The following SYT5 variants were observed in gnomAD, a reference collection of about 807,000 sequenced individuals.
SYT5 encodes synaptotagmin-5.
SYT5 carries 29 observed loss-of-function variants against 36.0 expected under a neutral mutation model. The observed-to-expected ratio is 0.81, with a 90% CI of 0.60 to 1.10. The LOEUF is 1.10. SYT5 is among the 50% of genes least tolerant of loss of function. The probability of loss-of-function intolerance (pLI) is 0.00; values close to 1 mark genes in which losing one functional copy is unlikely to be tolerated. For synonymous variants in SYT5, 231 were observed against 227.6 expected, an observed-to-expected ratio of 1.02 and a Z score of -0.14; for missense variants, 512 against 516.0, an observed-to-expected ratio of 0.99 and a Z score of 0.08.
In SYT5 at chr19:55,173,244, C is replaced by T. The variant is rs1236460163; in HGVS notation, c.*240G>A. On this transcript the variant is annotated 3_prime_UTR_variant, in exon 9 of 9. Transcript: ENST00000354308. This position sits in a 1 kb window ranked among gnomAD's most constrained non-coding sequence, Gnocchi z 5.4. The stretch of plus-strand genomic sequence containing the variant: ...GAGAAACCAGGCTGCCTTCCCTTCC[C>T]GGGGTCCCTGGGGCATCTGGGTGTG... 15 of 405,250 alleles carry T rather than the reference C, an allele frequency of 3.7e-5. No homozygotes were observed. The highest frequency in any genetic ancestry group is 5.6e-5 in the Non-Finnish European group (13 of 232,578). The allele number at this position is 405,250 out of a possible 1,614,324, so 25.1% of individuals were successfully genotyped here.
chr19:55,173,888 G>C lies in SYT5; in HGVS notation c.961-204C>G, dbSNP rs1296061090. 2.1e-6 allele frequency: 1 copy of C among 465,248 alleles called. No homozygotes were observed. The highest frequency in any genetic ancestry group is 3.5e-5 in the East Asian group (1 of 28,174). The allele number at this position is 465,248 out of a possible 1,614,324, so 28.8% of individuals were successfully genotyped here. ...GAGGCTCTGGCGCCTTTCTTCCTGC[G>C]CAGCCAGGTTTCTAAGGAAATGAAC... On this transcript the variant is annotated intron_variant, in intron 8 of 8. Coordinates refer to ENST00000354308, the MANE Select transcript of SYT5 (RefSeq NM_003180.3). This position sits in a 1 kb window ranked among gnomAD's most constrained non-coding sequence, Gnocchi z 5.4.
chr19:55,178,109 A>G (rs2086097160), intron 3 of SYT5, 87 bp downstream of exon 3: 2 of 1,463,450 alleles, frequency 1.4e-6, no homozygotes, highest in Non-Finnish European at 1.8e-6. Context: ...TATAGGACAG[A>G]AGGGAGCAGG....
rs759283459 is a variant in SYT5 at position 55,175,015 on chromosome 19, C to T, written c.709-16G>A. 1 of 1,610,598 alleles carries T rather than the reference C, an allele frequency of 6.2e-7. No homozygotes were observed. Among genetic ancestry groups the T allele is most frequent in the Non-Finnish European group, 8.5e-7 (1 of 1,179,392 alleles). On this transcript the variant is annotated splice_polypyrimidine_tract_variant and intron_variant, in intron 6 of 8. Coordinates refer to ENST00000354308, the MANE Select transcript of SYT5 (RefSeq NM_003180.3). This position sits in a 1 kb window ranked among gnomAD's most constrained non-coding sequence, Gnocchi z 4.5. The stretch of plus-strand genomic sequence containing the variant: ...GCTTCTCCTGCTGAAAGGAGAGGGG[C>T]CCATCACCAGAGCCCCGGCTCCACA...
Position 55,179,535 on chromosome 19 carries a change from A to G in SYT5, c.-45-449T>C. ...GCGGGGCAGGCTCGCTCCGGGGCCCACCGGTGCCTGGGAACCCCCCAATAG... is the reference window on the plus strand; with the variant it reads ...GCGGGGCAGGCTCGCTCCGGGGCCCGCCGGTGCCTGGGAACCCCCCAATAG... On this transcript the variant is annotated intron_variant, in intron 1 of 8. Transcript: ENST00000354308. The surrounding 1 kb of genome is among the most constrained non-coding windows in gnomAD (Gnocchi z 4.5). 4.2e-6 allele frequency: 1 copy of G among 235,504 alleles called. No individual in the cohort carries two copies. Among genetic ancestry groups the G allele is most frequent in the South Asian group, 1.6e-4 (1 of 6,250 alleles). 14.6% of individuals were successfully genotyped at this position (235,504 alleles called of 1,614,324 possible).
At position 55,172,887 on chromosome 19, in the gene SYT5, T is replaced by C. The variant is rs561447099; in HGVS notation, c.*597A>G. On this transcript the variant is annotated 3_prime_UTR_variant, in exon 9 of 9. Transcript: ENST00000354308. ...GGCAGGAATTATTATTATCCCAACA[T>C]TCTCCAGAGGAGGAAACCCAGGCTC... 1 of 152,410 alleles carries C rather than the reference T, an allele frequency of 6.6e-6. No individual in the cohort carries two copies. The highest frequency in any genetic ancestry group is 2.1e-4 in the South Asian group (1 of 4,828). The allele number at this position is 152,410 out of a possible 1,614,324, so 9.4% of individuals were successfully genotyped here. A position where few individuals can be genotyped will look rare whatever the true frequency, so the allele number is the denominator to read the frequency against.
In SYT5 at chr19:55,175,436, G is replaced by T. The variant is rs1001604146; in HGVS notation, c.541-97C>A. 1 of 1,333,480 alleles carries T rather than the reference G, an allele frequency of 7.5e-7. No individual in the cohort carries two copies. Among genetic ancestry groups the T allele is most frequent in the African/African-American group, 1.5e-5 (1 of 68,046 alleles). 82.6% of individuals were successfully genotyped at this position (1,333,480 alleles called of 1,614,324 possible). The stretch of plus-strand genomic sequence containing the variant: ...GGAAGGCATGGAGTGAGGCAGCGAG[G>T]GTCGAAGCGAACAGTTGGGGGAACT... On this transcript the variant is annotated intron_variant, in intron 5 of 8. Coordinates refer to ENST00000354308, the MANE Select transcript of SYT5 (RefSeq NM_003180.3). The surrounding 1 kb of genome is among the most constrained non-coding windows in gnomAD (Gnocchi z 4.5).
Position 55,175,739 on chromosome 19 carries a change from G to C in SYT5, c.510C>G (p.Asn170Lys). 1 of 1,614,016 alleles carries C rather than the reference G, an allele frequency of 6.2e-7. No individual in the cohort carries two copies. The highest frequency in any genetic ancestry group is 8.5e-7 in the Non-Finnish European group (1 of 1,180,018). The change falls in exon 5 of 9, where the codon AAC (asparagine) becomes AAG (lysine). Residue 170 changes from asparagine to lysine, a missense_variant. Coordinates refer to ENST00000354308, the MANE Select transcript of SYT5 (RefSeq NM_003180.3). This position sits in a 1 kb window ranked among gnomAD's most constrained non-coding sequence, Gnocchi z 4.5. ...AGGCGAAGGTCTCCCCAAAGTGAGG[G>C]TTCAGCGTCTGCCGATGCACCTTGG... ...YETKVHRQTLNPHFGETFAFK... is the reference protein window; with the variant it reads ...YETKVHRQTLKPHFGETFAFK...
intron 8 of SYT5, among the ~76,000 whole-genome samples, chr19:55,174,291 A>ACATCCTGGTTCCGCTTAGGTGTGGAG (rs144800976): frequency 6.7e-6 from 1 of 150,004 alleles, no homozygotes; most frequent in Non-Finnish European, 1.5e-5. Context: ...TAGGGGTGGG[A>ACATCCTGGTTCCGCTTAGGTGTGGAG]CATCCCGGTC....
rs2086119538 is a variant in SYT5 at position 55,179,340 on chromosome 19, G to T, written c.-45-254C>A. The T allele has an allele frequency of 2.7e-6, 3 of 1,105,178 alleles. No homozygotes were observed. The highest frequency in any genetic ancestry group is 3.6e-6 in the Non-Finnish European group (3 of 835,682). The allele number at this position is 1,105,178 out of a possible 1,614,324, so 68.5% of individuals were successfully genotyped here. A position where few individuals can be genotyped will look rare whatever the true frequency, so the allele number is the denominator to read the frequency against. On this transcript the variant is annotated intron_variant, in intron 1 of 8. Transcript: ENST00000354308. This position sits in a 1 kb window ranked among gnomAD's most constrained non-coding sequence, Gnocchi z 4.5. ...ACTTCTGCCTCGTCCTCGCCCCTCC[G>T]CAGGGTCTGAACCGGAAGCGGGCGA...
chr19:55,179,366 A>C lies in SYT5; in HGVS notation c.-45-280T>G, dbSNP rs932167681. On this transcript the variant is annotated intron_variant, in intron 1 of 8. Coordinates refer to ENST00000354308, the MANE Select transcript of SYT5 (RefSeq NM_003180.3). This position sits in a 1 kb window ranked among gnomAD's most constrained non-coding sequence, Gnocchi z 4.5. ...CAGGGTCTGAACCGGAAGCGGGCGA[A>C]GGCAGACGTGGGAACCAGCAGACCG... The C allele has an allele frequency of 1.6e-5, 13 of 810,210 alleles. No homozygotes were observed. Among genetic ancestry groups the C allele is most frequent in the East Asian group, 1.0e-4 (3 of 30,006 alleles). The allele number at this position is 810,210 out of a possible 1,614,324, so 50.2% of individuals were successfully genotyped here.
Position 55,178,385 on chromosome 19 carries a change from A to C in SYT5, c.80-17T>G. The C allele has an allele frequency of 6.2e-7, 1 of 1,605,952 alleles. No individual in the cohort carries two copies. The highest frequency in any genetic ancestry group is 8.5e-7 in the Non-Finnish European group (1 of 1,177,078). ...AGGGGGGCACTGCAGAGGGGTGGAGACAACACACATTGAGGCCTGGGCAGC... is the reference window on the plus strand; with the variant it reads ...AGGGGGGCACTGCAGAGGGGTGGAGCCAACACACATTGAGGCCTGGGCAGC... On this transcript the variant is annotated splice_polypyrimidine_tract_variant and intron_variant, in intron 2 of 8. Coordinates refer to ENST00000354308, the MANE Select transcript of SYT5 (RefSeq NM_003180.3).
rs1191687870 is a variant in SYT5 at position 55,172,535 on chromosome 19, G to A, written c.*949C>T. 1 of 152,106 alleles carries A rather than the reference G, an allele frequency of 6.6e-6. No homozygotes were observed. Among genetic ancestry groups the A allele is most frequent in the African/African-American group, 2.4e-5 (1 of 41,408 alleles). The allele number at this position is 152,106 out of a possible 1,614,324, so 9.4% of individuals were successfully genotyped here. A position where few individuals can be genotyped will look rare whatever the true frequency, so the allele number is the denominator to read the frequency against. ...AGGAAAAAAGAAAAGAAAAAAGAAA[G>A]AGGTGAAGTTGAAATCATTGGCTTT... is the stretch of plus-strand genomic sequence containing the variant. On this transcript the variant is annotated 3_prime_UTR_variant, in exon 9 of 9. Transcript: ENST00000354308.
intron 8 of SYT5, 51 bp downstream of exon 8, chr19:55,174,466 T>G: frequency 6.3e-7 from 1 of 1,592,054 alleles, no homozygotes; most frequent in Admixed American, 1.8e-5. Context: ...CGCCTAGCAA[T>G]GGCGATTACT....
chr19:55,179,141 CT>C lies in SYT5; in HGVS notation c.-45-56del. 1.9e-6 allele frequency: 3 copies of C among 1,539,870 alleles called. No homozygotes were observed. Among genetic ancestry groups the C allele is most frequent in the Non-Finnish European group, 2.6e-6 (3 of 1,146,898 alleles). The stretch of plus-strand genomic sequence containing the variant: ...TTTGAGCCCCACGCACAACAAAGAA[CT>C]CCAACTCCCATGAGGCCTTTGCGCG... On this transcript the variant is annotated intron_variant, in intron 1 of 8. Coordinates refer to ENST00000354308, the MANE Select transcript of SYT5 (RefSeq NM_003180.3). This position sits in a 1 kb window ranked among gnomAD's most constrained non-coding sequence, Gnocchi z 4.5.
At chr19:55,174,336 T>C (rs2086045500) in intron 8 of SYT5, among the ~76,000 whole-genome samples, 181 bp downstream of exon 8, 1 of 107,026 alleles carries the variant, frequency 9.3e-6, no homozygotes, top group South Asian at 3.2e-4. Context: ...ACACCCAATT[T>C]TAAGGAGTCT....
rs1407260682 is a variant in SYT5, at chr19:55,178,690, G to T, written c.79+273C>A. Among the ~76,000 whole-genome samples the T allele has an allele frequency of 2.8e-5, 4 of 144,274 alleles. No homozygotes were observed. In the Admixed American group the frequency reaches 2.8e-4, roughly 10 times the overall value. 94.6% of individuals were successfully genotyped at this position (144,274 alleles called of 152,430 possible). A position where few individuals can be genotyped will look rare whatever the true frequency, so the allele number is the denominator to read the frequency against. ...GCCTGTTTCCTTATCTGTAAAAGAA[G>T]AGCTAGGTGGACCTTCCAATTCTAA... On this transcript the variant is annotated intron_variant, in intron 2 of 8. Coordinates refer to ENST00000354308, the MANE Select transcript of SYT5 (RefSeq NM_003180.3).
Position 55,176,086 on chromosome 19 carries a change from G to A in SYT5, c.291C>T (p.Ser97=). ...PEVEELEPAP[S]GPGQQVADKH... is the part of the protein sequence containing the mutation. ...TGTCTGCCACCTGCTGCCCTGGCCC[G>A]GATGGTGCTGGCTCCAGCTCCTCTA... The change falls in exon 4 of 9, where the codon TCC becomes TCT. Residue 97 remains serine, a synonymous_variant. Coordinates refer to ENST00000354308, the MANE Select transcript of SYT5 (RefSeq NM_003180.3). The A allele has an allele frequency of 1.2e-6, 2 of 1,614,158 alleles. No individual in the cohort carries two copies. The highest frequency in any genetic ancestry group is 1.3e-5 in the African/African-American group (1 of 75,042).
chr19:55,174,324 C>T (rs1406623108), intron 8 of SYT5, among the ~76,000 whole-genome samples, 193 bp downstream of exon 8: 1 of 82,574 alleles, frequency 1.2e-5, no homozygotes, highest in African/African-American at 7.9e-5. Context: ...GATAGGACAC[C>T]CACACCCAAT....
chr19:55,174,789 T>C lies in SYT5; in HGVS notation c.826+93A>G, dbSNP rs1450329257. The C allele has an allele frequency of 3.8e-6, 6 of 1,569,518 alleles. No individual in the cohort carries two copies. In the African/African-American group the frequency reaches 6.8e-5, roughly 18 times the overall value. On this transcript the variant is annotated intron_variant, in intron 7 of 8. Transcript: ENST00000354308. Reference sequence around the variant, plus strand: ...TTCCACAGCAGCCAGGTCCTCCCTGTCCCCGAAGAAACCCTCGAGGCTCAG... The same window carrying C: ...TTCCACAGCAGCCAGGTCCTCCCTGCCCCCGAAGAAACCCTCGAGGCTCAG...
Sources: allele counts gnomAD v4.1 joint callset (sites outside exome capture counted in the v4.1 genomes callset), GRCh38; gene constraint gnomAD v4.1.1; non-coding constraint Gnocchi (gnomAD v3.1); transcripts MANE v1.5; gene names NCBI Gene and HGNC (gene_info 2026-07-23, HGNC 2026-07-21).